IL22RA2: variants seen among roughly 807,000 people sequenced by gnomAD.
IL22RA2 encodes interleukin-22 receptor subunit alpha-2.
A neutral mutation model predicts 30.7 loss-of-function variants in IL22RA2; 39 were observed. The ratio of observed to expected loss-of-function variants is 1.27; its 90% CI spans 0.98 to 1.66. The LOEUF (loss-of-function observed/expected upper bound fraction) is 1.66, where lower values mean the gene tolerates loss of function less well. IL22RA2 is among the 40% of genes most tolerant of loss of function. The pLI is 0.00. For missense variants in IL22RA2, 315 were observed against 312.7 expected, an observed-to-expected ratio of 1.01 and a Z score of -0.05; for synonymous variants, 103 against 105.0, an observed-to-expected ratio of 0.98 and a Z score of 0.11.
At chr6:137,156,006 C>A (rs1179088257) in intron 4 of IL22RA2, among the ~76,000 whole-genome samples, 2 of 152,060 alleles carry the variant, frequency 1.3e-5, no homozygotes, top group African/African-American at 4.8e-5. Flanking sequence ...TCAGGTGTTG[C>A]CTACCCAACA....
intron 2 of IL22RA2, among the ~76,000 whole-genome samples, chr6:137,161,256 T>C (rs2114381719): frequency 6.6e-6 from 1 of 152,322 alleles, no homozygotes; most frequent in African/African-American, 2.4e-5. Context: ...TCCTAGATGG[T>C]AAATGGCAGA....
At chr6:137,166,489 G>T (rs1366666701) in intron 1 of IL22RA2, among the ~76,000 whole-genome samples, 1 of 152,336 alleles carries the variant, frequency 6.6e-6, no homozygotes, top group East Asian at 1.9e-4. Context: ...CAAACAGGAG[G>T]ACATGACAAG....
chr6:137,157,695 A>G (rs1341095487), intron 3 of IL22RA2, among the ~76,000 whole-genome samples: 2 of 144,026 alleles, frequency 1.4e-5, no homozygotes, highest in African/African-American at 2.5e-5. Context: ...CCCCAGAAAT[A>G]TATGAGTGGA....
intron 4 of IL22RA2, among the ~76,000 whole-genome samples, 163 bp from the exon 5 acceptor site, chr6:137,155,282 T>A (rs1778380442): frequency 6.6e-6 from 1 of 152,176 alleles, no homozygotes; most frequent in African/African-American, 2.4e-5. Flanking sequence ...TCTTATTAAC[T>A]GTTTCAGTCC....
chr6:137,157,820 G>A (rs912737326), intron 3 of IL22RA2, among the ~76,000 whole-genome samples: 7 of 152,116 alleles, frequency 4.6e-5, no homozygotes, highest in Non-Finnish European at 1.0e-4. Context: ...AGGATCACAC[G>A]AGAGGAACAT....
In IL22RA2 at chr6:137,155,092, T is replaced by A; in HGVS notation, c.321A>T (p.Lys107Asn). Residue 107 changes from lysine to asparagine, a missense_variant, in exon 5 of 7, where the codon AAA (lysine) becomes AAT (asparagine). Lys to Asn is a moderately conservative substitution (Grantham distance 94). Transcript: ENST00000296980. ...GTTCTTGAGTACCCCAACAGTCTTC[T>A]TTATTTTTCCATTGTCTCTGTCCAT... is the stretch of plus-strand genomic sequence containing the variant. The part of the protein sequence containing the change: ...AKYGQRQWKN[K>N]EDCWGTQELS... 2.5e-6 allele frequency: 4 copies of A among 1,595,870 alleles called. No individual in the cohort carries two copies. Among genetic ancestry groups the A allele is most frequent in the Non-Finnish European group, 3.4e-6 (4 of 1,170,302 alleles).
intron 2 of IL22RA2, 50 bp downstream of exon 2, chr6:137,161,639 G>T: frequency 6.8e-7 from 1 of 1,465,714 alleles, no homozygotes; most frequent in Non-Finnish European, 9.5e-7. Context: ...ATCCTTGATT[G>T]GACTCAGATG....
chr6:137,153,118 C>T (rs1040566766), intron 5 of IL22RA2, among the ~76,000 whole-genome samples: 9 of 152,120 alleles, frequency 5.9e-5, no homozygotes, highest in African/African-American at 1.7e-4. Context: ...TAGCAGACCC[C>T]TAACCACTCC....
intron 1 of IL22RA2, among the ~76,000 whole-genome samples, chr6:137,169,108 C>T (rs764990666): frequency 1.3e-5 from 2 of 152,188 alleles, no homozygotes; most frequent in Non-Finnish European, 2.9e-5. Flanking sequence ...AAATTCAATG[C>T]AAATCCAAGT....
chr6:137,156,545 C>A (rs185577291), intron 4 of IL22RA2, among the ~76,000 whole-genome samples: 1 of 152,126 alleles, frequency 6.6e-6, no homozygotes, highest in Non-Finnish European at 1.5e-5. Flanking sequence ...CTATTCTAAA[C>A]GCAAGGGATA....
chr6:137,150,606 G>A (rs1778271441), intron 5 of IL22RA2, among the ~76,000 whole-genome samples: 1 of 150,432 alleles, frequency 6.6e-6, no homozygotes, highest in Non-Finnish European at 1.5e-5. Context: ...AATGTCTTTG[G>A]CTATTCTTAC....
intron 5 of IL22RA2, among the ~76,000 whole-genome samples, chr6:137,153,277 A>T (rs1231860056): frequency 6.6e-6 from 1 of 152,280 alleles, no homozygotes; most frequent in Non-Finnish European, 1.5e-5. Flanking sequence ...TATATCATAT[A>T]TTTGTCGCTC....
At chr6:137,152,268 A>C (rs966950344) in intron 5 of IL22RA2, among the ~76,000 whole-genome samples, 1 of 152,158 alleles carries the variant, frequency 6.6e-6, no homozygotes, top group African/African-American at 2.4e-5. Flanking sequence ...AAATTTTTAC[A>C]TGACTGTTTA....
intron 4 of IL22RA2, 35 bp downstream of exon 4, chr6:137,156,724 T>G: frequency 6.2e-7 from 1 of 1,603,432 alleles, no homozygotes; most frequent in Non-Finnish European, 8.5e-7. Flanking sequence ...ACAGAACACC[T>G]GAGGCTAGGT....
chr6:137,158,282 T>C (rs774589687), intron 3 of IL22RA2, 65 bp downstream of exon 3: 13 of 1,586,460 alleles, frequency 8.2e-6, no homozygotes, highest in South Asian at 1.1e-5. Context: ...TAACACTCCA[T>C]TGCATTCTAG....
At chr6:137,172,021 T>C (rs929713087) in intron 1 of IL22RA2, among the ~76,000 whole-genome samples, 1 of 152,230 alleles carries the variant, frequency 6.6e-6, no homozygotes, top group Non-Finnish European at 1.5e-5. Flanking sequence ...GCTTGCAACC[T>C]TCTCAGCATT....
chr6:137,161,371 A>G (rs779306936), intron 2 of IL22RA2, among the ~76,000 whole-genome samples: 2 of 152,028 alleles, frequency 1.3e-5, no homozygotes, highest in African/African-American at 4.8e-5. Flanking sequence ...AGTGAGAGCC[A>G]GAGAGAAAGA....
At chr6:137,165,371 G>A (rs761413484) in intron 1 of IL22RA2, among the ~76,000 whole-genome samples, 6 of 152,154 alleles carry the variant, frequency 3.9e-5, no homozygotes, top group Admixed American at 1.3e-4. Flanking sequence ...AGAAGACATC[G>A]GAAGTTAGAA....
chr6:137,150,282 GA>G (rs1344509741), intron 5 of IL22RA2, among the ~76,000 whole-genome samples: 2 of 152,086 alleles, frequency 1.3e-5, no homozygotes, highest in African/African-American at 4.8e-5. Context: ...ATGTTCTTCA[GA>G]AGTTCTTAGG....
Sources: gnomAD v4.1 joint callset for allele counts (sites outside exome capture counted in the v4.1 genomes callset) on GRCh38, gnomAD v4.1.1 for gene constraint, MANE v1.5 for transcripts, NCBI Gene and HGNC (gene_info 2026-07-23, HGNC 2026-07-21) for gene names.